Variants in RALGAPA2 observed in about 807,000 individuals in gnomAD.
The protein encoded by RALGAPA2 is Ral GTPase activating protein catalytic subunit alpha 2, also known as ral GTPase-activating protein subunit alpha-2.
Under a neutral mutation model 230.4 loss-of-function variants are expected in RALGAPA2, and 139 were observed. That is an observed-to-expected ratio of 0.60 (90% CI 0.53 to 0.69). RALGAPA2 has a LOEUF of 0.69. RALGAPA2 is among the 30% of genes least tolerant of loss of function. The probability of loss-of-function intolerance (pLI) is 0.00; values close to 1 mark genes in which losing one functional copy is unlikely to be tolerated. For synonymous variants in RALGAPA2, 847 were observed against 837.8 expected, an observed-to-expected ratio of 1.01 and a Z score of -0.19; for missense variants, 2,163 against 2,276.0, an observed-to-expected ratio of 0.95 and a Z score of 1.01.
At chr20:20,579,604 T>C (rs969345835) in intron 20 of RALGAPA2, among the ~76,000 whole-genome samples, 1 of 152,184 alleles carries the variant, frequency 6.6e-6, no homozygotes, top group African/African-American at 2.4e-5. Flanking sequence ...TGAGGTTGAA[T>C]TACTGACACT....
chr20:20,498,473 T>C (rs1355049167), intron 35 of RALGAPA2, among the ~76,000 whole-genome samples: 1 of 152,204 alleles, frequency 6.6e-6, no homozygotes, highest in Non-Finnish European at 1.5e-5. Context: ...GTGACACCGG[T>C]CATGGTACAC....
chr20:20,584,349 C>CA lies in RALGAPA2; in HGVS notation c.2530+515dup, dbSNP rs1230765393. Among the ~76,000 whole-genome samples, 4 of 152,202 alleles carry CA rather than the reference C, an allele frequency of 2.6e-5. No individual in the cohort carries two copies. The East Asian group carries it at 5.8e-4, about 22-fold the overall frequency. ...CGGTCTATCTGCTCACTCATGCCAT[C>CA]AGTCTCTGATGTACCACTCACCTGG... On this transcript the variant is annotated intron_variant, in intron 19 of 39. Coordinates refer to ENST00000202677, the MANE Select transcript of RALGAPA2 (RefSeq NM_020343.4).
intron 2 of RALGAPA2, among the ~76,000 whole-genome samples, chr20:20,678,971 T>C (rs1264912656): frequency 1.3e-5 from 2 of 152,198 alleles, no homozygotes; most frequent in African/African-American, 4.8e-5. Context: ...AACCCTTTCC[T>C]GGTACCCCTC....
At chr20:20,586,400 T>A (rs1602951286) in intron 18 of RALGAPA2, among the ~76,000 whole-genome samples, 1 of 152,204 alleles carries the variant, frequency 6.6e-6, no homozygotes. Context: ...ATGTCATCAA[T>A]TTAGAAATCC....
chr20:20,458,510 ATATATGTATTTTATATATAT>A, intron 37 of RALGAPA2, among the ~76,000 whole-genome samples: 1 of 138,570 alleles, frequency 7.2e-6, no homozygotes, highest in African/African-American at 2.7e-5. Context: ...TATATATAAT[ATATATGTATTTTATATATAT>A]TATATATAAT....
At chr20:20,681,772 C>T (rs979332428) in intron 1 of RALGAPA2, among the ~76,000 whole-genome samples, 13 of 152,152 alleles carry the variant, frequency 8.5e-5, no homozygotes, top group African/African-American at 2.7e-4. Context: ...AGGGTAATCG[C>T]CCGAACTCAG....
At chr20:20,447,218 C>T (rs2060884467) in intron 37 of RALGAPA2, among the ~76,000 whole-genome samples, 1 of 152,152 alleles carries the variant, frequency 6.6e-6, no homozygotes, top group African/African-American at 2.4e-5. Context: ...TGAGAATTTG[C>T]TAACATGGCA....
At chr20:20,667,015 T>G (rs1175330098) in intron 3 of RALGAPA2, among the ~76,000 whole-genome samples, 1 of 152,182 alleles carries the variant, frequency 6.6e-6, no homozygotes, top group African/African-American at 2.4e-5. Context: ...AGTTTTTCTT[T>G]AGGCAATTCA....
At chr20:20,688,926 A>G (rs2068800639) in intron 1 of RALGAPA2, among the ~76,000 whole-genome samples, 1 of 152,252 alleles carries the variant, frequency 6.6e-6, no homozygotes, top group Non-Finnish European at 1.5e-5. Context: ...ATGATAAATT[A>G]CTAAAAGTAA....
At chr20:20,627,592 CCT>C (rs2066528767) in intron 10 of RALGAPA2, among the ~76,000 whole-genome samples, 1 of 152,134 alleles carries the variant, frequency 6.6e-6, no homozygotes, top group East Asian at 1.9e-4. Flanking sequence ...AAACTTGTGC[CCT>C]GTCTTCCCTG....
At chr20:20,699,671 G>A (rs541146509) in intron 1 of RALGAPA2, among the ~76,000 whole-genome samples, 1 of 152,054 alleles carries the variant, frequency 6.6e-6, no homozygotes. Context: ...TGTCACAAAA[G>A]AAGACATACA....
chr20:20,496,841 C>G (rs1429768205), intron 35 of RALGAPA2, among the ~76,000 whole-genome samples: 1 of 152,208 alleles, frequency 6.6e-6, no homozygotes, highest in Non-Finnish European at 1.5e-5. Flanking sequence ...TCTTCACTCT[C>G]TCATACTTCT....
intron 33 of RALGAPA2, among the ~76,000 whole-genome samples, chr20:20,508,154 T>C (rs1280974432): frequency 6.6e-6 from 1 of 152,182 alleles, no homozygotes; most frequent in Non-Finnish European, 1.5e-5. Flanking sequence ...AGATGACCTT[T>C]AGTTGTAAAC....
chr20:20,463,073 T>C (rs1450114043), intron 37 of RALGAPA2, among the ~76,000 whole-genome samples: 1 of 152,218 alleles, frequency 6.6e-6, no homozygotes, highest in Non-Finnish European at 1.5e-5. Context: ...GAGATTGTCT[T>C]TAGGAAACTT....
At chr20:20,628,573 T>C (rs1341740744) in intron 10 of RALGAPA2, among the ~76,000 whole-genome samples, 1 of 152,108 alleles carries the variant, frequency 6.6e-6, no homozygotes, top group Non-Finnish European at 1.5e-5. Flanking sequence ...TTGAGCCAGA[T>C]AGTTCTTTGT....
At chr20:20,487,819 C>A (rs576554544) in intron 36 of RALGAPA2, among the ~76,000 whole-genome samples, 1 of 150,746 alleles carries the variant, frequency 6.6e-6, no homozygotes, top group Admixed American at 6.6e-5. Flanking sequence ...GGCTGAGGTG[C>A]GAGGATTGCT....
intron 37 of RALGAPA2, among the ~76,000 whole-genome samples, chr20:20,449,910 G>C (rs183811855): frequency 1.1e-4 from 16 of 152,290 alleles, no homozygotes; most frequent in Non-Finnish European, 1.9e-4. Flanking sequence ...ACACCTTACA[G>C]CAAGCATTAG....
chr20:20,644,044 C>T (rs1039784602), intron 4 of RALGAPA2, among the ~76,000 whole-genome samples: 3 of 152,062 alleles, frequency 2.0e-5, no homozygotes, highest in Admixed American at 6.5e-5. Flanking sequence ...AAGGCTGACT[C>T]GGAACTCCAG....
intron 28 of RALGAPA2, 42 bp from the exon 29 acceptor site, chr20:20,524,940 T>C (rs1353574292): frequency 4.6e-6 from 7 of 1,519,320 alleles, no homozygotes; most frequent in Non-Finnish European, 6.2e-6. Flanking sequence ...ACCATATTTG[T>C]AAGCCTTTGT....
Sources: gnomAD v4.1 joint callset for allele counts (sites outside exome capture counted in the v4.1 genomes callset) on GRCh38, gnomAD v4.1.1 for gene constraint, MANE v1.5 for transcripts, NCBI Gene and HGNC (gene_info 2026-07-23, HGNC 2026-07-21) for gene names.